The following RBMS3 variants were observed in gnomAD, a reference collection of about 807,000 sequenced individuals.
RBMS3 encodes the protein RNA-binding motif, single-stranded-interacting protein 3.
Under a neutral mutation model 66.8 loss-of-function variants are expected in RBMS3, and 27 were observed. That is an observed-to-expected ratio of 0.40 (90% CI 0.30 to 0.56). The LOEUF (loss-of-function observed/expected upper bound fraction) is 0.56, where lower values mean the gene tolerates loss of function less well. RBMS3 is among the 20% of genes least tolerant of loss of function. The pLI, the probability that RBMS3 is intolerant of heterozygous loss-of-function variation, is 0.40. For missense variants in RBMS3, 513 were observed against 549.5 expected (o/e 0.93, Z 0.66); for synonymous variants, 188 against 183.0 (o/e 1.03, Z -0.22).
Position 29,702,806 on chromosome 3 carries a change from C to T in RBMS3, c.400-36914C>T, listed in dbSNP as rs144387877. Among the ~76,000 whole-genome samples, 1,027 of 152,286 alleles carry T rather than the reference C, an allele frequency of 6.7e-3. 7 individuals carry two copies. The highest frequency in any genetic ancestry group is 0.011 in the Non-Finnish European group (753 of 68,018). ...CACCAGAAGGAAGAAACTCCGAACA[C>T]GTCCGAACGTCAGAAGGAACAAACT... is the stretch of plus-strand genomic sequence containing the variant. On this transcript the variant is annotated intron_variant, in intron 4 of 14. Coordinates refer to ENST00000383767, the MANE Select transcript of RBMS3 (RefSeq NM_001003793.3).
chr3:29,346,466 C>T (rs1224489210), intron 1 of RBMS3, among the ~76,000 whole-genome samples: 16 of 135,300 alleles, frequency 1.2e-4, no homozygotes, highest in South Asian at 2.3e-4. Context: ...TGTAGTGGCG[C>T]GATCTCAGCT....
chr3:29,909,961 A>G (rs2060476650), intron 10 of RBMS3, among the ~76,000 whole-genome samples: 1 of 152,122 alleles, frequency 6.6e-6, no homozygotes, highest in South Asian at 2.1e-4. Flanking sequence ...TTTCAATCAT[A>G]CATGATCTCC....
At chr3:29,294,272 T>A (rs931250881) in intron 1 of RBMS3, among the ~76,000 whole-genome samples, 2 of 151,804 alleles carry the variant, frequency 1.3e-5, no homozygotes, top group African/African-American at 4.8e-5. Context: ...AAAGACATCT[T>A]TTTTACATGT....
chr3:29,673,567 G>A (rs1041988146), intron 4 of RBMS3, among the ~76,000 whole-genome samples: 2 of 151,720 alleles, frequency 1.3e-5, no homozygotes, highest in African/African-American at 4.8e-5. Context: ...AATAATAAAA[G>A]TGATATCACC....
chr3:29,292,696 T>C (rs563617379), intron 1 of RBMS3, among the ~76,000 whole-genome samples: 9 of 151,754 alleles, frequency 5.9e-5, no homozygotes, highest in Non-Finnish European at 1.2e-4. Context: ...ATGACAGTTC[T>C]ACAACCTCAA....
intron 1 of RBMS3, among the ~76,000 whole-genome samples, chr3:29,384,426 T>TAAGAAGAAGAAG (rs1260902457): frequency 2.5e-4 from 23 of 93,366 alleles, no homozygotes; most frequent in African/African-American, 8.4e-4. Context: ...CCAATAATAA[T>TAAGAAGAAGAAG]AATAATAATA....
chr3:29,488,233 C>CAATTTTG (rs2043394884), intron 2 of RBMS3, among the ~76,000 whole-genome samples: 1 of 152,130 alleles, frequency 6.6e-6, no homozygotes, highest in Non-Finnish European at 1.5e-5. Flanking sequence ...TTTTGAAGCT[C>CAATTTTG]AACCCATTGC....
Position 29,764,439 on chromosome 3 carries a change from G to A in RBMS3, c.637+1450G>A, listed in dbSNP as rs80044880. On this transcript the variant is annotated intron_variant, in intron 6 of 14. Coordinates refer to ENST00000383767, the MANE Select transcript of RBMS3 (RefSeq NM_001003793.3). ...AGACACTTTACTCAAATCCGTCATC[G>A]AGTAAAGGAGTTGCATTGTTTGTGG... 8.2e-3 allele frequency among the ~76,000 whole-genome samples: 1,234 copies of A among 151,400 alleles called. 15 individuals are homozygous for A. Among genetic ancestry groups the A allele is most frequent in the African/African-American group, 0.028 (1,140 of 41,234 alleles).
intron 4 of RBMS3, among the ~76,000 whole-genome samples, chr3:29,698,777 T>C (rs2052393556): frequency 6.6e-6 from 1 of 152,192 alleles, no homozygotes; most frequent in African/African-American, 2.4e-5. Flanking sequence ...TTTTTAATTA[T>C]TGTTTTGACC....
At chr3:29,356,459 T>A (rs1311025259) in intron 1 of RBMS3, among the ~76,000 whole-genome samples, 3 of 152,176 alleles carry the variant, frequency 2.0e-5, no homozygotes, top group African/African-American at 7.2e-5. Flanking sequence ...TAAATAGTAG[T>A]ATCTTTTATT....
intron 2 of RBMS3, among the ~76,000 whole-genome samples, chr3:29,450,773 G>A (rs1213278960): frequency 6.6e-6 from 1 of 152,090 alleles, no homozygotes; most frequent in Non-Finnish European, 1.5e-5. Context: ...AGATTATGAA[G>A]GAATAAGGGA....
At chr3:29,661,264 T>C (rs2050536390) in intron 4 of RBMS3, among the ~76,000 whole-genome samples, 1 of 152,166 alleles carries the variant, frequency 6.6e-6, no homozygotes, top group Non-Finnish European at 1.5e-5. Context: ...GGGAGACAAA[T>C]TCTTGATTCT....
chr3:29,647,870 TGTCCA>T (rs1176197902), intron 4 of RBMS3, among the ~76,000 whole-genome samples: 1 of 152,220 alleles, frequency 6.6e-6, no homozygotes. Flanking sequence ...GTGAATGTCC[TGTCCA>T]ATCTCAATTA....
intron 1 of RBMS3, among the ~76,000 whole-genome samples, chr3:29,367,442 G>A (rs181229378): frequency 6.6e-6 from 1 of 152,126 alleles, no homozygotes; most frequent in African/African-American, 2.4e-5. Context: ...ATATGATGTT[G>A]AAAGGAAATG....
intron 4 of RBMS3, among the ~76,000 whole-genome samples, chr3:29,624,511 T>C (rs2048987314): frequency 6.6e-6 from 1 of 152,170 alleles, no homozygotes; most frequent in Admixed American, 6.5e-5. Context: ...TAGCTTTTGA[T>C]TGGCCAGATT....
At chr3:29,286,158 G>A (rs1473411597) in intron 1 of RBMS3, among the ~76,000 whole-genome samples, 3 of 152,168 alleles carry the variant, frequency 2.0e-5, no homozygotes, top group South Asian at 2.1e-4. Context: ...GCTTCGGGGG[G>A]TAATATAATA....
At chr3:29,482,607 T>C (rs1329877746) in intron 2 of RBMS3, among the ~76,000 whole-genome samples, 2 of 152,004 alleles carry the variant, frequency 1.3e-5, no homozygotes, top group Non-Finnish European at 2.9e-5. Flanking sequence ...CAGCTATACT[T>C]GAGTTGTAAG....
chr3:29,519,684 A>T (rs2044778520), intron 3 of RBMS3, among the ~76,000 whole-genome samples: 1 of 152,180 alleles, frequency 6.6e-6, no homozygotes, highest in Non-Finnish European at 1.5e-5. Context: ...AACTAGACCA[A>T]TTAGGATAAC....
intron 4 of RBMS3, among the ~76,000 whole-genome samples, chr3:29,723,120 C>T (rs992704169): frequency 2.4e-4 from 37 of 151,350 alleles, no homozygotes; most frequent in South Asian, 2.1e-4. Flanking sequence ...GGATTACAGG[C>T]GCACATCCCC....
Sources: gnomAD v4.1 joint callset for allele counts (sites outside exome capture counted in the v4.1 genomes callset) on GRCh38, gnomAD v4.1.1 for gene constraint, MANE v1.5 for transcripts, NCBI Gene and HGNC (gene_info 2026-07-23, HGNC 2026-07-21) for gene names.